Variants in LGSN observed in about 807,000 individuals in gnomAD.
LGSN encodes the protein lengsin.
LGSN carries 21 observed loss-of-function variants against 19.5 expected under a neutral mutation model. The ratio of observed to expected loss-of-function variants is 1.07; its 90% CI spans 0.76 to 1.55. The LOEUF (loss-of-function observed/expected upper bound fraction) is 1.55. Among genes scored for constraint, LGSN ranks in the 40% most tolerant of loss-of-function variants. The probability of loss-of-function intolerance (pLI) is 0.00; values close to 1 mark genes in which losing one functional copy is unlikely to be tolerated. For synonymous variants in LGSN, 257 were observed against 215.6 expected, an observed-to-expected ratio of 1.19 and a Z score of -1.68; for missense variants, 673 against 608.5, an observed-to-expected ratio of 1.11 and a Z score of -1.12.
At chr6:63,293,987 A>C (rs1767874499) in intron 2 of LGSN, 1 of 350,882 alleles carries the variant, frequency 2.8e-6, no homozygotes, top group Non-Finnish European at 5.6e-6. Context: ...GGGCAATGGG[A>C]GTGGTCTACC....
At chr6:63,373,506 C>G in the LGSN span, among the ~76,000 whole-genome samples, 33 of 152,174 alleles carry the variant, frequency 2.2e-4, no homozygotes, top group East Asian at 5.6e-3. Flanking sequence ...AACATCAGAA[C>G]AAACTCAAAT....
At chr6:63,498,512 AT>A in the LGSN span, among the ~76,000 whole-genome samples, 2 of 152,130 alleles carry the variant, frequency 1.3e-5, no homozygotes, top group African/African-American at 4.8e-5. Flanking sequence ...TGAAAGCAGA[AT>A]CTGGGATCAG....
the LGSN span, among the ~76,000 whole-genome samples, chr6:63,400,637 G>C: frequency 2.6e-5 from 4 of 152,310 alleles, no homozygotes; most frequent in Middle Eastern, 0.014. Flanking sequence ...TTCATATGAA[G>C]AGTCCATCAA....
chr6:63,477,873 A>G, the LGSN span, among the ~76,000 whole-genome samples: 7 of 151,024 alleles, frequency 4.6e-5, no homozygotes, highest in African/African-American at 1.7e-4. Context: ...GGAGGAGGGT[A>G]ATGTTTTCTA....
chr6:63,525,833 T>G, the LGSN span, among the ~76,000 whole-genome samples: 2 of 152,322 alleles, frequency 1.3e-5, no homozygotes, highest in African/African-American at 4.8e-5. Context: ...CTTAAAATAG[T>G]TGGTGTGGTT....
chr6:63,287,329 C>T (rs890196870), intron 2 of LGSN, among the ~76,000 whole-genome samples: 1 of 152,180 alleles, frequency 6.6e-6, no homozygotes, highest in Non-Finnish European at 1.5e-5. Flanking sequence ...TCCCAACCTA[C>T]ACTGAAATAT....
the LGSN span, among the ~76,000 whole-genome samples, chr6:63,562,011 A>G: frequency 6.6e-6 from 1 of 152,206 alleles, no homozygotes; most frequent in Non-Finnish European, 1.5e-5. Context: ...GAAAAAAAAT[A>G]CAAAATATAG....
the LGSN span, among the ~76,000 whole-genome samples, chr6:63,503,897 C>A: frequency 6.6e-6 from 1 of 151,962 alleles, no homozygotes; most frequent in African/African-American, 2.4e-5. Context: ...GCCTGGACAA[C>A]CAGAGTGAGA....
At chr6:63,294,260 A>G (rs927366839) in intron 2 of LGSN, among the ~76,000 whole-genome samples, 1 of 152,126 alleles carries the variant, frequency 6.6e-6, no homozygotes, top group African/African-American at 2.4e-5. Context: ...ACTTGAGCCC[A>G]GGAGGCAGAG....
the LGSN span, among the ~76,000 whole-genome samples, chr6:63,407,372 A>C: frequency 1.3e-5 from 2 of 152,172 alleles, no homozygotes; most frequent in Non-Finnish European, 2.9e-5. Flanking sequence ...AGGCTGGTTC[A>C]ATATACGCAA....
chr6:63,292,265 T>C (rs780813083), intron 2 of LGSN, among the ~76,000 whole-genome samples: 12 of 152,194 alleles, frequency 7.9e-5, no homozygotes, highest in Non-Finnish European at 1.5e-4. Flanking sequence ...ACTTCTAACA[T>C]ACAAAACTGT....
the LGSN span, among the ~76,000 whole-genome samples, chr6:63,332,331 G>C: frequency 1.3e-5 from 2 of 152,168 alleles, no homozygotes; most frequent in Non-Finnish European, 2.9e-5. Flanking sequence ...GAGGTGAGAG[G>C]AAGTTTGTCT....
At chr6:63,333,023 G>C in the LGSN span, among the ~76,000 whole-genome samples, 1 of 152,058 alleles carries the variant, frequency 6.6e-6, no homozygotes. Context: ...TTCACGGTGA[G>C]TGTTACAGCT....
At chr6:63,393,827 A>G in the LGSN span, among the ~76,000 whole-genome samples, 3 of 152,172 alleles carry the variant, frequency 2.0e-5, no homozygotes, top group Non-Finnish European at 2.9e-5. Flanking sequence ...CCAGACAACA[A>G]ATCCCAGGTA....
chr6:63,435,315 G>A, the LGSN span, among the ~76,000 whole-genome samples: 1 of 152,176 alleles, frequency 6.6e-6, no homozygotes, highest in African/African-American at 2.4e-5. Context: ...GAAAATTGAA[G>A]TTTACTGAGC....
chr6:63,573,118 C>A, the LGSN span: 1 of 163,640 alleles, frequency 6.1e-6, no homozygotes, highest in Non-Finnish European at 1.3e-5. Flanking sequence ...TGGTCTGGCG[C>A]GACCCGTCCG....
At chr6:63,535,038 C>T in the LGSN span, among the ~76,000 whole-genome samples, 1 of 151,856 alleles carries the variant, frequency 6.6e-6, no homozygotes, top group African/African-American at 2.4e-5. Flanking sequence ...CCAGCCTGGG[C>T]AACAAGAGTG....
chr6:63,526,520 G>T, the LGSN span, among the ~76,000 whole-genome samples: 1 of 149,416 alleles, frequency 6.7e-6, no homozygotes. Flanking sequence ...TTTTTAAAAA[G>T]ATTTTTAGGC....
chr6:63,348,545 T>C, the LGSN span, among the ~76,000 whole-genome samples: 41 of 152,110 alleles, frequency 2.7e-4, no homozygotes, highest in Non-Finnish European at 4.9e-4. Flanking sequence ...AGTTTCTATT[T>C]TGATTTTTTA....
Sources: allele counts gnomAD v4.1 joint callset (sites outside exome capture counted in the v4.1 genomes callset), GRCh38; gene constraint gnomAD v4.1.1; transcripts MANE v1.5; gene names NCBI Gene and HGNC (gene_info 2026-07-23, HGNC 2026-07-21).